Variants in USP10 observed in about 807,000 individuals in gnomAD.
USP10 encodes the protein ubiquitin specific peptidase 10, also known as ubiquitin carboxyl-terminal hydrolase 10.
In USP10, 22 loss-of-function variants were observed where a neutral mutation model predicts 84.5. That is an observed-to-expected ratio of 0.26 (90% CI 0.19 to 0.37). The LOEUF is 0.37. Ranked by LOEUF, USP10 falls within the 10% of genes least tolerant of loss-of-function variation. The pLI, the probability that USP10 is intolerant of heterozygous loss-of-function variation, is 1.00. For synonymous variants in USP10, 454 were observed against 387.6 expected (o/e 1.17, Z -2.01); for missense variants, 1,019 against 998.9 (o/e 1.02, Z -0.27).
At chr16:84,730,635 G>A (rs11642656) in intron 1 of USP10, among the ~76,000 whole-genome samples, 68,258 of 152,032 alleles carry the variant, frequency 0.45, 17,785 homozygotes, top group Non-Finnish European at 0.61. Context: ...GGAAGTGTGT[G>A]TTAGTGGCTT....
intron 4 of USP10, among the ~76,000 whole-genome samples, chr16:84,749,566 C>A (rs948873378): frequency 1.4e-5 from 2 of 147,562 alleles, no homozygotes; most frequent in Non-Finnish European, 3.0e-5. Context: ...ATACTGAGAC[C>A]CCATCTTTAA....
chr16:84,752,232 A>G lies in USP10; in HGVS notation c.1193-6484A>G, dbSNP rs539994244. On this transcript the variant is annotated intron_variant, in intron 4 of 13. Transcript: ENST00000219473. ...GGCAGCCCCACCAACTCCTGTGACA[A>G]AGATGGACTGGGGGAGGCCATCTTC... Among the ~76,000 whole-genome samples the G allele has an allele frequency of 7.2e-5, 11 of 152,332 alleles. No individual in the cohort carries two copies. The East Asian group carries it at 2.1e-3, about 29-fold the overall frequency.
chr16:84,759,518 G>A (rs76029916), intron 6 of USP10, 46 bp downstream of exon 6: 404 of 1,518,172 alleles, frequency 2.7e-4, no homozygotes, highest in Non-Finnish European at 3.5e-4. Context: ...GGTTTTTCCC[G>A]TCTGATAATT....
At chr16:84,743,413 G>A (rs538442808) in intron 3 of USP10, among the ~76,000 whole-genome samples, 1 of 152,146 alleles carries the variant, frequency 6.6e-6, no homozygotes, top group African/African-American at 2.4e-5. Context: ...TCACTTGCAC[G>A]TAACTGGCCC....
rs773500318 is a variant in USP10, at chr16:84,764,155, G to A, written c.1724G>A (p.Gly575Glu). The A allele has an allele frequency of 8.1e-6, 13 of 1,613,980 alleles. No individual in the cohort carries two copies. Among genetic ancestry groups the A allele is most frequent in the Non-Finnish European group, 1.1e-5 (13 of 1,179,850 alleles). The change falls in exon 10 of 14, where the codon GGA (glycine) becomes GAA (glutamate). Residue 575 changes from glycine to glutamate, a missense_variant. Around this residue, in one of 2 missense-constraint regions of USP10, gnomAD observed 232 missense variants for 290.1 expected, o/e 0.80. Coordinates refer to ENST00000219473, the MANE Select transcript of USP10 (RefSeq NM_005153.3). ...GAAGAGCAGGAAGAACAAGGTGAAG[G>A]AAGCGAGGATGAATGGGAACAAGTG... ...NEEEQEEQGE[G>E]SEDEWEQVGP...
At chr16:84,737,827 A>G (rs1910126475) in intron 2 of USP10, among the ~76,000 whole-genome samples, 1 of 152,046 alleles carries the variant, frequency 6.6e-6, no homozygotes, top group Admixed American at 6.5e-5. Context: ...TGCCTGGCAC[A>G]CCCTGAGTGC....
chr16:84,774,585 C>T (rs1263201398), intron 12 of USP10, among the ~76,000 whole-genome samples: 2 of 151,838 alleles, frequency 1.3e-5, no homozygotes, highest in Non-Finnish European at 2.9e-5. Flanking sequence ...ATTCTCCTGC[C>T]TCAGCCTCCC....
intron 1 of USP10, among the ~76,000 whole-genome samples, chr16:84,703,442 C>G (rs982072666): frequency 2.0e-5 from 3 of 152,158 alleles, no homozygotes; most frequent in Non-Finnish European, 4.4e-5. Flanking sequence ...ATAGCAGATC[C>G]TCCACATTTT....
intron 1 of USP10, among the ~76,000 whole-genome samples, chr16:84,720,815 C>G (rs1316508231): frequency 1.3e-5 from 2 of 151,102 alleles, no homozygotes; most frequent in Non-Finnish European, 2.9e-5. Flanking sequence ...ATCTCCTGAC[C>G]TCATGATCTG....
chr16:84,706,326 C>T (rs1028458088), intron 1 of USP10, among the ~76,000 whole-genome samples: 6 of 151,964 alleles, frequency 3.9e-5, no homozygotes, highest in Admixed American at 6.6e-5. Context: ...ACTTCTGATA[C>T]ATTAAAACAA....
At chr16:84,710,747 C>T (rs1027913133) in intron 1 of USP10, among the ~76,000 whole-genome samples, 1 of 152,100 alleles carries the variant, frequency 6.6e-6, no homozygotes, top group Non-Finnish European at 1.5e-5. Flanking sequence ...TCCTCGAGTG[C>T]CCTCTTCTAA....
chr16:84,738,176 G>T (rs1910182084), intron 2 of USP10, among the ~76,000 whole-genome samples: 1 of 152,156 alleles, frequency 6.6e-6, no homozygotes, highest in Admixed American at 6.5e-5. Flanking sequence ...GGGTCTGGAG[G>T]TTTCCTTCAG....
At chr16:84,703,007 A>AAAAAAAAAAAAAAAAAAAAC (rs1418017921) in intron 1 of USP10, among the ~76,000 whole-genome samples, 17 of 150,630 alleles carry the variant, frequency 1.1e-4, no homozygotes, top group African/African-American at 2.4e-4. Flanking sequence ...AAAAAAAAAA[A>AAAAAAAAAAAAAAAAAAAAC]AAAAAAGAGC....
chr16:84,753,906 G>A (rs778047770), intron 4 of USP10, among the ~76,000 whole-genome samples: 15 of 152,332 alleles, frequency 9.8e-5, no homozygotes, highest in South Asian at 2.1e-4. Context: ...AGGAACAGAT[G>A]GCAGCTGTTT....
At chr16:84,753,691 C>A (rs1912199882) in intron 4 of USP10, among the ~76,000 whole-genome samples, 1 of 152,196 alleles carries the variant, frequency 6.6e-6, no homozygotes, top group Non-Finnish European at 1.5e-5. Context: ...CTTTCTGGAC[C>A]AGGAGCTAAA....
intron 1 of USP10, among the ~76,000 whole-genome samples, chr16:84,717,149 G>C (rs1254854197): frequency 1.3e-5 from 2 of 152,150 alleles, no homozygotes; most frequent in African/African-American, 4.8e-5. Flanking sequence ...TGCTGGCCTG[G>C]TGACCTCACT....
At chr16:84,769,550 T>A (rs1914207726) in intron 11 of USP10, among the ~76,000 whole-genome samples, 1 of 145,626 alleles carries the variant, frequency 6.9e-6, no homozygotes. Context: ...GGTATTTGTG[T>A]TGGGGAGGTT....
chr16:84,735,196 G>GATATGTGTGTGTGTGTGT (rs1555541026), intron 2 of USP10, among the ~76,000 whole-genome samples: 1 of 146,264 alleles, frequency 6.8e-6, no homozygotes, highest in African/African-American at 2.5e-5. Flanking sequence ...AGGCCCGGGT[G>GATATGTGTGTGTGTGTGT]GTGTGTGTGT....
intron 13 of USP10, among the ~76,000 whole-genome samples, chr16:84,777,005 G>C (rs1040760828): frequency 6.6e-6 from 1 of 152,230 alleles, no homozygotes; most frequent in Non-Finnish European, 1.5e-5. Context: ...TAGAGACGAG[G>C]TTTCGCCCTT....
Sources: allele counts gnomAD v4.1 joint callset (sites outside exome capture counted in the v4.1 genomes callset), GRCh38; gene constraint gnomAD v4.1.1; regional missense constraint gnomAD v4.1.1; transcripts MANE v1.5; gene names NCBI Gene and HGNC (gene_info 2026-07-23, HGNC 2026-07-21).